LSS: variants seen among roughly 807,000 people sequenced by gnomAD.
The protein encoded by LSS is lanosterol synthase.
In LSS, 90 loss-of-function variants were observed where a neutral mutation model predicts 110.3. The observed-to-expected ratio is 0.82, with a 90% CI of 0.69 to 0.97. LSS has a LOEUF of 0.97. LSS is among the 50% of genes least tolerant of loss of function. The pLI, the probability that LSS is intolerant of heterozygous loss-of-function variation, is 0.00. For synonymous variants in LSS, 433 were observed against 400.0 expected (o/e 1.08, Z -0.98); for missense variants, 927 against 990.0 (o/e 0.94, Z 0.85).
intron 5 of LSS, chr21:46,220,509 T>A (rs2080262766): frequency 6.5e-6 from 1 of 152,802 alleles, no homozygotes; most frequent in Admixed American, 6.5e-5. Flanking sequence ...AGGCAGTGCA[T>A]GGCGAGCCCT....
At chr21:46,215,879 G>A (rs909858312) in intron 7 of LSS, 86 bp from the exon 8 acceptor site, 26 of 839,450 alleles carry the variant, frequency 3.1e-5, no homozygotes, top group Middle Eastern at 2.6e-4. Context: ...CCCACCATCC[G>A]CCCTCAGGGC....
Position 46,190,766 on chromosome 21 carries a change from A to C in LSS, c.*338T>G. The C allele has an allele frequency of 7.2e-6, 2 of 276,318 alleles. No homozygotes were observed. The highest frequency in any genetic ancestry group is 1.4e-5 in the Non-Finnish European group (2 of 145,098). The allele number at this position is 276,318 out of a possible 1,614,324, so 17.1% of individuals were successfully genotyped here. On this transcript the variant is annotated 3_prime_UTR_variant, in exon 22 of 22. Transcript: ENST00000397728. This position sits in a 1 kb window ranked among gnomAD's most constrained non-coding sequence, Gnocchi z 4.6. ...CTGCTCCTCTCCCAAGAACTCAGCTATTGGTCAGAAAAAACCTCCTAGCCT... is the reference window on the plus strand; with the variant it reads ...CTGCTCCTCTCCCAAGAACTCAGCTCTTGGTCAGAAAAAACCTCCTAGCCT...
chr21:46,213,815 C>G lies in LSS; in HGVS notation c.1032G>C (p.Met344Ile). The G allele has an allele frequency of 1.2e-6, 2 of 1,613,928 alleles. No individual in the cohort carries two copies. The highest frequency in any genetic ancestry group is 8.5e-7 in the Non-Finnish European group (1 of 1,179,934). ...SIGPISKTIN[M>I]LVRWYVDGPA... ...GCCCGTCCACATACCAGCGCACAAG[C>G]ATGTTGATGGTTTTCGAGATCTGCA... The change falls in exon 10 of 22, where the codon ATG becomes ATC. Residue 344 changes from methionine (M) to isoleucine (I), a missense_variant. Transcript: ENST00000397728.
At chr21:46,223,811 C>T (rs2123762073) in intron 3 of LSS, among the ~76,000 whole-genome samples, 1 of 152,324 alleles carries the variant, frequency 6.6e-6, no homozygotes, top group South Asian at 2.1e-4. Context: ...AAAAGGGCTC[C>T]TTGGTCTAGT....
In LSS at chr21:46,189,751, G is replaced by T. The variant is rs964672188; in HGVS notation, c.*1353C>A. On this transcript the variant is annotated 3_prime_UTR_variant, in exon 22 of 22. Transcript: ENST00000397728. Reference sequence around the variant, plus strand: ...ACCTGCCCAGAAGGCGGCAGGGAGGGGAAGAGCAGATAAGGAGGTATAGGG... The same window carrying T: ...ACCTGCCCAGAAGGCGGCAGGGAGGTGAAGAGCAGATAAGGAGGTATAGGG... 2.2e-6 allele frequency: 1 copy of T among 457,322 alleles called. No homozygotes were observed. Among genetic ancestry groups the T allele is most frequent in the East Asian group, 6.9e-5 (1 of 14,398 alleles). The allele number at this position is 457,322 out of a possible 1,614,324, so 28.3% of individuals were successfully genotyped here.
chr21:46,194,411 C>G, intron 20 of LSS, 80 bp downstream of exon 20: 1 of 1,546,186 alleles, frequency 6.5e-7, no homozygotes, highest in Non-Finnish European at 8.7e-7. Flanking sequence ...TACATTCACT[C>G]AGCCCAGGCC....
At position 46,205,937 on chromosome 21, in the gene LSS, G is replaced by A; in HGVS notation, c.1569C>T (p.Asp523=). 1 of 1,604,682 alleles carries A rather than the reference G, an allele frequency of 6.2e-7. No homozygotes were observed. Residue 523 remains aspartate (D), a synonymous_variant, in exon 17 of 22, where the codon GAC becomes GAT. Transcript: ENST00000397728. ...CCACATAGGTGTAGTCAATCATGAT[G>A]TCCCCTGGGAAAGGGAGGGAAGAAC... ...ELLNPSEVFG[D]IMIDYTYVEC... is the part of the protein sequence containing the mutation.
At position 46,205,946 on chromosome 21, in the gene LSS, G is replaced by A. The variant is rs367668504; in HGVS notation, c.1565-5C>T. 7 of 1,591,226 alleles carry A rather than the reference G, an allele frequency of 4.4e-6. No homozygotes were observed. In the African/African-American group the frequency reaches 8.0e-5, roughly 18 times the overall value. On this transcript the variant is annotated splice_region_variant and splice_polypyrimidine_tract_variant and intron_variant, in intron 16 of 21. Coordinates refer to ENST00000397728, the MANE Select transcript of LSS (RefSeq NM_002340.6). ...TGTAGTCAATCATGATGTCCCCTGGGAAAGGGAGGGAAGAACCAAGTGTTG... is the reference window on the plus strand; with the variant it reads ...TGTAGTCAATCATGATGTCCCCTGGAAAAGGGAGGGAAGAACCAAGTGTTG...
In LSS at chr21:46,205,898, G is replaced by A. The variant is rs189988050; in HGVS notation, c.1608C>T (p.Ala536=). ...GGAAATACTTAAGCGCCTGCATCAC[G>A]GCTGAGGTGCACTCCACATAGGTGT... ...IDYTYVECTS[A]VMQALKYFHK... is the part of the protein sequence containing the mutation. Residue 536 remains alanine, a synonymous_variant, in exon 17 of 22, where the codon GCC becomes GCT. Transcript: ENST00000397728. The A allele has an allele frequency of 8.7e-6, 14 of 1,611,554 alleles. No homozygotes were observed. In the African/African-American group the frequency reaches 1.5e-4, roughly 17 times the overall value.
Position 46,215,638 on chromosome 21 carries a change from T to C in LSS, c.892+47A>G, listed in dbSNP as rs199861151. 9.7e-5 allele frequency: 131 copies of C among 1,356,178 alleles called. No individual in the cohort carries two copies. In the East Asian group the frequency reaches 2.9e-3, roughly 30 times the overall value. 84.0% of individuals were successfully genotyped at this position (1,356,178 alleles called of 1,614,324 possible). ...GTGCGTGAATGAGTGGGCGACACCCTGACCCTGACCCTGGGCTGCCCTGCC... is the reference window on the plus strand; with the variant it reads ...GTGCGTGAATGAGTGGGCGACACCCCGACCCTGACCCTGGGCTGCCCTGCC... On this transcript the variant is annotated intron_variant, in intron 8 of 21. Coordinates refer to ENST00000397728, the MANE Select transcript of LSS (RefSeq NM_002340.6).
chr21:46,200,543 G>GA (rs1414990394), intron 17 of LSS, among the ~76,000 whole-genome samples: 1 of 150,756 alleles, frequency 6.6e-6, no homozygotes, highest in Non-Finnish European at 1.5e-5. Context: ...TTCATAACCT[G>GA]AATCTAATCA....
chr21:46,197,285 C>T (rs1046906167), intron 17 of LSS, among the ~76,000 whole-genome samples: 9 of 152,054 alleles, frequency 5.9e-5, no homozygotes, highest in African/African-American at 2.2e-4. Context: ...AAAATATCTA[C>T]AAATTAGAAA....
At chr21:46,226,211 G>C (rs1291653824) in intron 3 of LSS, among the ~76,000 whole-genome samples, 1 of 151,462 alleles carries the variant, frequency 6.6e-6, no homozygotes, top group Non-Finnish European at 1.5e-5. Context: ...GCTAAGCCCA[G>C]AGCCAAAGCA....
At chr21:46,222,880 C>T in intron 3 of LSS, 142 bp from the exon 4 acceptor site, 1 of 657,702 alleles carries the variant, frequency 1.5e-6, no homozygotes, top group South Asian at 1.8e-5. Flanking sequence ...CCATTCCTCC[C>T]AGGCCCCCAT....
chr21:46,209,494 G>C lies in LSS; in HGVS notation c.1266+60C>G. 6.7e-7 allele frequency: 1 copy of C among 1,484,172 alleles called. No homozygotes were observed. 91.9% of individuals were successfully genotyped at this position (1,484,172 alleles called of 1,614,324 possible). The stretch of plus-strand genomic sequence containing the variant: ...GGTGAGGTGGGCACTTCTGCCTGCA[G>C]GAGCTCCCAGCCCTGATCCCCCTCT... On this transcript the variant is annotated intron_variant, in intron 13 of 21. Coordinates refer to ENST00000397728, the MANE Select transcript of LSS (RefSeq NM_002340.6). The surrounding 1 kb of genome is among the most constrained non-coding windows in gnomAD (Gnocchi z 4.4).
rs1159723477 is a variant in LSS at position 46,216,749 on chromosome 21, A to T, written c.648-225T>A. ...CCTCCTAGTTCGGTCAGCATTTTGC[A>T]TCCTAAAACCAGGTGATGGAGCTCC... On this transcript the variant is annotated intron_variant, in intron 6 of 21. Coordinates refer to ENST00000397728, the MANE Select transcript of LSS (RefSeq NM_002340.6). The surrounding 1 kb of genome is among the most constrained non-coding windows in gnomAD (Gnocchi z 4.2). Among the ~76,000 whole-genome samples the T allele has an allele frequency of 6.6e-6, 1 of 152,142 alleles. No homozygotes were observed. The highest frequency in any genetic ancestry group is 1.5e-5 in the Non-Finnish European group (1 of 68,030).
At chr21:46,211,476 C>T (rs1006196307) in intron 11 of LSS, among the ~76,000 whole-genome samples, 2 of 152,172 alleles carry the variant, frequency 1.3e-5, no homozygotes, top group Non-Finnish European at 2.9e-5. Flanking sequence ...GAATTCTGCA[C>T]AGGGCTGGGA....
At chr21:46,191,345 T>C (rs939365794) in intron 21 of LSS, 110 bp from the exon 22 acceptor site, 154 of 1,196,602 alleles carry the variant, frequency 1.3e-4, no homozygotes, top group Middle Eastern at 6.0e-4. Flanking sequence ...TGAGTCAGCC[T>C]GGAAAGGGCT....
At chr21:46,211,103 G>C (rs2080124821) in intron 11 of LSS, among the ~76,000 whole-genome samples, 1 of 152,150 alleles carries the variant, frequency 6.6e-6, no homozygotes, top group Non-Finnish European at 1.5e-5. Flanking sequence ...GCGCACCTCA[G>C]TCATGGTGAT....
Sources: allele counts gnomAD v4.1 joint callset (sites outside exome capture counted in the v4.1 genomes callset), GRCh38; gene constraint gnomAD v4.1.1; non-coding constraint Gnocchi (gnomAD v3.1); transcripts MANE v1.5; gene names NCBI Gene and HGNC (gene_info 2026-07-23, HGNC 2026-07-21).